The following ZFAT variants were observed in gnomAD, a reference collection of about 807,000 sequenced individuals.
ZFAT encodes zinc finger protein ZFAT.
A neutral mutation model predicts 117.7 loss-of-function variants in ZFAT; 64 were observed. That is an observed-to-expected ratio of 0.54 (90% CI 0.44 to 0.67). The LOEUF (loss-of-function observed/expected upper bound fraction) is 0.67. Ranked by LOEUF, ZFAT falls within the 30% of genes least tolerant of loss-of-function variation. The pLI is 0.00. For synonymous variants in ZFAT, 679 were observed against 615.0 expected (o/e 1.10, Z -1.54); for missense variants, 1,433 against 1,584.5 (o/e 0.90, Z 1.62).
the ZFAT span, among the ~76,000 whole-genome samples, chr8:134,781,644 T>C: frequency 6.6e-6 from 1 of 152,158 alleles, no homozygotes; most frequent in Non-Finnish European, 1.5e-5. Flanking sequence ...GGTCTACTTA[T>C]ATGTGGATTT....
the ZFAT span, among the ~76,000 whole-genome samples, chr8:134,735,524 T>A: frequency 6.6e-6 from 1 of 152,224 alleles, no homozygotes; most frequent in Non-Finnish European, 1.5e-5. Context: ...TATTTGGTAT[T>A]TCCATTAAAA....
At chr8:134,622,465 G>A (rs866187348) in intron 3 of ZFAT, among the ~76,000 whole-genome samples, 2 of 152,278 alleles carry the variant, frequency 1.3e-5, no homozygotes, top group South Asian at 2.1e-4. Context: ...TTTCTATGAC[G>A]ACAGGGTCTA....
the ZFAT span, among the ~76,000 whole-genome samples, chr8:134,825,426 T>C: frequency 1.3e-5 from 2 of 152,254 alleles, no homozygotes; most frequent in Admixed American, 6.5e-5. Flanking sequence ...TAAAGAATCA[T>C]CTGCTTTATA....
rs1376568122 is a variant in ZFAT at position 134,532,959 on chromosome 8, G to A, written c.2990C>T (p.Ala997Val). The A allele has an allele frequency of 1.2e-6, 2 of 1,604,658 alleles. No individual in the cohort carries two copies. The highest frequency in any genetic ancestry group is 2.2e-5 in the East Asian group (1 of 44,588). The change falls in exon 12 of 16, where the codon GCC (alanine) becomes GTC (valine). Residue 997 changes from alanine to valine, a missense_variant. Physicochemically the swap from Ala to Val is moderately conservative, Grantham distance 64. Transcript: ENST00000377838. Reference protein sequence around the residue: ...QHVSFKPFRCAHCHYSCNISG... With the variant: ...QHVSFKPFRCVHCHYSCNISG... The stretch of plus-strand genomic sequence containing the variant: ...TATGTTGCAGGAGTAATGGCAATGG[G>A]CACAGCGGAAAGGCTGCGGGGACAA...
At chr8:134,804,082 T>C in the ZFAT span, among the ~76,000 whole-genome samples, 292 of 152,298 alleles carry the variant, frequency 1.9e-3, 3 homozygotes, top group African/African-American at 6.7e-3. Flanking sequence ...ATAGTTGCTA[T>C]AAAATTATAC....
At chr8:134,790,812 C>T in the ZFAT span, among the ~76,000 whole-genome samples, 1 of 151,650 alleles carries the variant, frequency 6.6e-6, no homozygotes, top group Non-Finnish European at 1.5e-5. Context: ...CCCAGGAGTT[C>T]GAGACCAGCT....
intron 12 of ZFAT, among the ~76,000 whole-genome samples, chr8:134,530,802 A>G (rs1426187486): frequency 1.3e-5 from 2 of 151,532 alleles, no homozygotes; most frequent in Non-Finnish European, 2.9e-5. Context: ...AATTAAAACC[A>G]AAGTATAATA....
chr8:134,794,751 T>TA, the ZFAT span: 1 of 152,376 alleles, frequency 6.6e-6, no homozygotes, highest in Non-Finnish European at 1.5e-5. Flanking sequence ...AATGCAGTTT[T>TA]AAAAACACAC....
intron 10 of ZFAT, among the ~76,000 whole-genome samples, chr8:134,581,532 C>T (rs953518610): frequency 1.3e-5 from 2 of 152,190 alleles, no homozygotes; most frequent in African/African-American, 4.8e-5. Context: ...CTGAGGCAAG[C>T]TACCTGTTCC....
Position 134,637,622 on chromosome 8 carries a change from C to A in ZFAT, c.287G>T (p.Ser96Ile), listed in dbSNP as rs768989445. 1.2e-6 allele frequency: 2 copies of A among 1,614,224 alleles called. No individual in the cohort carries two copies. Among genetic ancestry groups the A allele is most frequent in the Non-Finnish European group, 1.7e-6 (2 of 1,180,046 alleles). Reference sequence around the variant, plus strand: ...AGCCAGCGGGCTGTCCTCAGTCGGACTCACGATGTTTTCTGCCAGCTCCTC... The same window carrying A: ...AGCCAGCGGGCTGTCCTCAGTCGGAATCACGATGTTTTCTGCCAGCTCCTC... ...TEEELAENIV[S>I]PTEDSPLAPE... Residue 96 changes from serine to isoleucine, a missense_variant, in exon 3 of 16, where the codon AGT (serine) becomes ATT (isoleucine). Physicochemically the swap from Ser to Ile is moderately radical, Grantham distance 142. Transcript: ENST00000377838.
At chr8:134,809,416 C>T in the ZFAT span, among the ~76,000 whole-genome samples, 12 of 152,270 alleles carry the variant, frequency 7.9e-5, no homozygotes, top group African/African-American at 2.2e-4. Flanking sequence ...ACAGCCTTGC[C>T]GTTCGGGTGA....
the ZFAT span, among the ~76,000 whole-genome samples, chr8:134,745,020 G>T: frequency 6.7e-6 from 1 of 149,180 alleles, no homozygotes; most frequent in African/African-American, 2.5e-5. Flanking sequence ...TAGCCACCGC[G>T]CCCGGCCAGG....
At chr8:134,498,047 T>A (rs1394347113) in intron 15 of ZFAT, among the ~76,000 whole-genome samples, 15 of 76,298 alleles carry the variant, frequency 2.0e-4, no homozygotes, top group South Asian at 6.0e-4. Flanking sequence ...GTGATGCCCC[T>A]GCTGCTGGTT....
the ZFAT span, among the ~76,000 whole-genome samples, chr8:134,776,970 C>T: frequency 6.6e-6 from 1 of 152,174 alleles, no homozygotes; most frequent in East Asian, 1.9e-4. Context: ...GAGTGAAATT[C>T]TCTTCCATCC....
chr8:134,698,597 T>A (rs1833936030), intron 1 of ZFAT, among the ~76,000 whole-genome samples: 1 of 152,160 alleles, frequency 6.6e-6, no homozygotes, highest in Non-Finnish European at 1.5e-5. Flanking sequence ...CCCTCTTCCC[T>A]GGGACATTCT....
At chr8:134,580,690 C>A (rs1465750603) in intron 10 of ZFAT, among the ~76,000 whole-genome samples, 2 of 151,978 alleles carry the variant, frequency 1.3e-5, no homozygotes, top group African/African-American at 2.4e-5. Flanking sequence ...AGAATTAGAC[C>A]CAATATCTTG....
chr8:134,617,677 G>C (rs144123891), intron 3 of ZFAT, among the ~76,000 whole-genome samples: 322 of 152,320 alleles, frequency 2.1e-3, no homozygotes, highest in Non-Finnish European at 3.5e-3. Context: ...TGGGAACAGA[G>C]ACTTCACCAC....
Position 134,532,897 on chromosome 8 carries a change from G to C in ZFAT, c.3052C>G (p.Pro1018Ala), listed in dbSNP as rs1442412815. 7 of 1,609,490 alleles carry C rather than the reference G, an allele frequency of 4.3e-6. No individual in the cohort carries two copies. Among genetic ancestry groups the C allele is most frequent in the Middle Eastern group, 1.6e-4 (1 of 6,078 alleles). Reference protein sequence around the residue: ...SLKRHYNRKHPNEEYANVGTG... With the variant: ...SLKRHYNRKHANEEYANVGTG... Reference sequence around the variant, plus strand: ...CCCACGTTGGCATACTCCTCATTAGGGTGCTTCCTGTTGTAGTGCCGCTTC... The same window carrying C: ...CCCACGTTGGCATACTCCTCATTAGCGTGCTTCCTGTTGTAGTGCCGCTTC... Residue 1018 changes from proline to alanine, a missense_variant, in exon 12 of 16, where the codon CCT becomes GCT. Coordinates refer to ENST00000377838, the MANE Select transcript of ZFAT (RefSeq NM_020863.4).
At chr8:134,667,726 C>G (rs139091896) in intron 1 of ZFAT, among the ~76,000 whole-genome samples, 1 of 152,020 alleles carries the variant, frequency 6.6e-6, no homozygotes, top group Non-Finnish European at 1.5e-5. Flanking sequence ...ACTGAGGTAC[C>G]GGGTTCATGT....
Sources: gnomAD v4.1 joint callset for allele counts (sites outside exome capture counted in the v4.1 genomes callset) on GRCh38, gnomAD v4.1.1 for gene constraint, MANE v1.5 for transcripts, NCBI Gene and HGNC (gene_info 2026-07-23, HGNC 2026-07-21) for gene names.